SLC45A4: variants seen among roughly 807,000 people sequenced by gnomAD.
SLC45A4 encodes the protein solute carrier family 45 member 4.
Under a neutral mutation model 63.7 loss-of-function variants are expected in SLC45A4, and 32 were observed. The ratio of observed to expected loss-of-function variants is 0.50; its 90% CI spans 0.38 to 0.67. The LOEUF is 0.67. Ranked by LOEUF, SLC45A4 falls within the 30% of genes least tolerant of loss-of-function variation. The pLI, the probability that SLC45A4 is intolerant of heterozygous loss-of-function variation, is 0.00. For synonymous variants in SLC45A4, 535 were observed against 510.0 expected (o/e 1.05, Z -0.66); for missense variants, 1,027 against 1,157.7 (o/e 0.89, Z 1.64).
intron 1 of SLC45A4, among the ~76,000 whole-genome samples, chr8:141,302,849 C>G (rs1327652952): frequency 4.6e-5 from 7 of 152,162 alleles, no homozygotes; most frequent in Admixed American, 3.3e-4. Flanking sequence ...AAAAAACTTA[C>G]AAAATATTCC....
At chr8:141,271,122 G>A (rs916775940) in intron 1 of SLC45A4, among the ~76,000 whole-genome samples, 4 of 152,212 alleles carry the variant, frequency 2.6e-5, no homozygotes, top group African/African-American at 4.8e-5. Context: ...GCCCGCCTCC[G>A]GCGCCCAGCA....
chr8:141,246,614 G>GTGGAGTCACACGTTTGCGTCAGGCGA (rs1828214931), intron 2 of SLC45A4, among the ~76,000 whole-genome samples: 1 of 16,318 alleles, frequency 6.1e-5, no homozygotes, highest in Admixed American at 5.4e-4. Context: ...CAAGGGGAGG[G>GTGGAGTCACACGTTTGCGTCAGGCGA]CATTGCACAA....
In SLC45A4 at chr8:141,254,102, G is replaced by A. The variant is rs1422027374; in HGVS notation, c.128C>T (p.Ser43Phe). ...CAGGCGCATGGGGATTCGGTCTATG[G>A]ACCCCTCGCTGATGGTCTCGCAGTT... The part of the protein sequence containing the change: ...AENCETISEG[S>F]IDRIPMRLWV... Residue 43 changes from serine (S) to phenylalanine (F), a missense_variant, in exon 2 of 9, where the codon TCC becomes TTC. Coordinates refer to ENST00000517878, the MANE Select transcript of SLC45A4 (RefSeq NM_001286646.2). This position sits in a 1 kb window ranked among gnomAD's most constrained non-coding sequence, Gnocchi z 4.5. 2 of 1,536,158 alleles carry A rather than the reference G, an allele frequency of 1.3e-6. No individual in the cohort carries two copies. The highest frequency in any genetic ancestry group is 1.2e-5 in the South Asian group (1 of 84,060).
intron 2 of SLC45A4, chr8:141,252,703 T>G (rs535000753): frequency 1.6e-5 from 2 of 128,706 alleles, no homozygotes; most frequent in African/African-American, 6.6e-5. Context: ...TTCCGTGTTT[T>G]CACGCCCACC....
chr8:141,298,283 T>C (rs996884626), intron 1 of SLC45A4, among the ~76,000 whole-genome samples: 4 of 152,260 alleles, frequency 2.6e-5, no homozygotes, highest in African/African-American at 9.6e-5. Flanking sequence ...AGAAGAACAT[T>C]CTGTTTCTTT....
intron 2 of SLC45A4, chr8:141,228,098 C>T: frequency 1.9e-6 from 3 of 1,563,398 alleles, no homozygotes; most frequent in South Asian, 2.3e-5. Context: ...CTGTTGGGTG[C>T]CCGAGAGGCT....
chr8:141,221,050 C>T (rs994924221), intron 3 of SLC45A4, among the ~76,000 whole-genome samples: 1 of 152,244 alleles, frequency 6.6e-6, no homozygotes, highest in Non-Finnish European at 1.5e-5. Flanking sequence ...AGTGCAGGCC[C>T]GGGGCAAGTT....
chr8:141,247,072 C>T (rs764997334), intron 2 of SLC45A4, among the ~76,000 whole-genome samples: 6 of 151,980 alleles, frequency 3.9e-5, no homozygotes, highest in Admixed American at 6.6e-5. Flanking sequence ...AGGAAAAAAC[C>T]GAATGAAGCT....
chr8:141,222,168 G>A (rs1826684642), intron 2 of SLC45A4, among the ~76,000 whole-genome samples: 1 of 152,264 alleles, frequency 6.6e-6, no homozygotes, highest in African/African-American at 2.4e-5. Flanking sequence ...CTTTGAGGGT[G>A]GCAGGCACAG....
chr8:141,287,273 G>A (rs1440433280), intron 1 of SLC45A4, among the ~76,000 whole-genome samples: 1 of 152,158 alleles, frequency 6.6e-6, no homozygotes, highest in Admixed American at 6.5e-5. Flanking sequence ...ATTTTAACAG[G>A]CAGAAGACAT....
At chr8:141,250,280 T>C (rs1828402150) in intron 2 of SLC45A4, among the ~76,000 whole-genome samples, 1 of 152,232 alleles carries the variant, frequency 6.6e-6, no homozygotes, top group African/African-American at 2.4e-5. Flanking sequence ...TGAGTCCTCA[T>C]ACACACTGGT....
At chr8:141,234,181 C>T (rs1444586309) in intron 2 of SLC45A4, among the ~76,000 whole-genome samples, 13 of 152,354 alleles carry the variant, frequency 8.5e-5, no homozygotes, top group South Asian at 2.1e-4. Flanking sequence ...TCTCGTCCCT[C>T]GGAAACCTCA....
rs539189371 is a variant in SLC45A4, at chr8:141,302,624, G to A, written c.-401+5472C>T. ...TAGGATTACAGGCATGAGCCACCGC[G>A]GCAGGCGTAAAGTTATTTTACAGAA... On this transcript the variant is annotated intron_variant, in intron 1 of 8. Coordinates refer to ENST00000517878, the MANE Select transcript of SLC45A4 (RefSeq NM_001286646.2). Among the ~76,000 whole-genome samples the A allele has an allele frequency of 7.9e-5, 12 of 152,304 alleles. No individual in the cohort carries two copies. The East Asian group carries it at 2.1e-3, about 27-fold the overall frequency.
chr8:141,257,442 C>G (rs1216798427), intron 1 of SLC45A4, among the ~76,000 whole-genome samples: 2 of 152,208 alleles, frequency 1.3e-5, no homozygotes, highest in Non-Finnish European at 2.9e-5. Context: ...TGGGCAGGAA[C>G]AAAAGCAATT....
chr8:141,244,300 G>C (rs1184630638), intron 2 of SLC45A4, among the ~76,000 whole-genome samples: 1 of 152,198 alleles, frequency 6.6e-6, no homozygotes, highest in Non-Finnish European at 1.5e-5. Flanking sequence ...CTGGGCCGGA[G>C]GCAGAGTAGC....
Position 141,256,557 on chromosome 8 carries a change from G to C in SLC45A4, c.-400-1928C>G, listed in dbSNP as rs527555208. On this transcript the variant is annotated intron_variant, in intron 1 of 8. Coordinates refer to ENST00000517878, the MANE Select transcript of SLC45A4 (RefSeq NM_001286646.2). The surrounding 1 kb of genome is among the most constrained non-coding windows in gnomAD (Gnocchi z 4.3). The stretch of plus-strand genomic sequence containing the variant: ...AGGAGGGAGAAGACTCCGCTGTACA[G>C]GAGGTTCTGGAAGGAAGCCGTGCGC... 3.6e-4 allele frequency: 166 copies of C among 456,244 alleles called. 2 individuals are homozygous for C. The highest frequency in any genetic ancestry group is 2.5e-3 in the South Asian group (161 of 64,568). The allele number at this position is 456,244 out of a possible 1,614,324, so 28.3% of individuals were successfully genotyped here. A position where few individuals can be genotyped will look rare whatever the true frequency, so the allele number is the denominator to read the frequency against.
intron 2 of SLC45A4, chr8:141,230,039 A>G: frequency 2.2e-6 from 1 of 456,200 alleles, no homozygotes; most frequent in Middle Eastern, 3.3e-4. Context: ...CCACAGCACC[A>G]TTACACGATG....
intron 1 of SLC45A4, among the ~76,000 whole-genome samples, chr8:141,291,631 C>T (rs1328169023): frequency 6.6e-6 from 1 of 152,156 alleles, no homozygotes; most frequent in African/African-American, 2.4e-5. Flanking sequence ...TAGAACTGAT[C>T]CAAGAGGAAT....
At chr8:141,307,816 T>A (rs971562134) in intron 1 of SLC45A4, among the ~76,000 whole-genome samples, 1 of 67,572 alleles carries the variant, frequency 1.5e-5, no homozygotes, top group Admixed American at 1.5e-4. Flanking sequence ...GGGGCCGGGG[T>A]GGGGGGAATG....
Sources: allele counts gnomAD v4.1 joint callset (sites outside exome capture counted in the v4.1 genomes callset), GRCh38; gene constraint gnomAD v4.1.1; non-coding constraint Gnocchi (gnomAD v3.1); transcripts MANE v1.5; gene names NCBI Gene and HGNC (gene_info 2026-07-23, HGNC 2026-07-21).